CCDC178: variants seen among roughly 807,000 people sequenced by gnomAD.
The protein encoded by CCDC178 is coiled-coil domain containing 178.
A neutral mutation model predicts 117.4 loss-of-function variants in CCDC178; 126 were observed. The observed-to-expected ratio is 1.07, with a 90% CI of 0.93 to 1.24. The LOEUF is 1.24. Among genes scored for constraint, CCDC178 ranks in the 50% most tolerant of loss-of-function variants. The pLI is 0.00. For synonymous variants in CCDC178, 283 were observed against 313.4 expected, an observed-to-expected ratio of 0.90 and a Z score of 1.02; for missense variants, 1,030 against 986.9, an observed-to-expected ratio of 1.04 and a Z score of -0.59.
intron 4 of CCDC178, among the ~76,000 whole-genome samples, chr18:33,392,352 G>A (rs1190900654): frequency 6.6e-6 from 1 of 152,106 alleles, no homozygotes; most frequent in Non-Finnish European, 1.5e-5. Context: ...CTGTGATGAC[G>A]AGATGAGGTT....
intron 12 of CCDC178, among the ~76,000 whole-genome samples, chr18:33,277,971 A>G (rs1463851836): frequency 6.6e-6 from 1 of 152,064 alleles, no homozygotes; most frequent in African/African-American, 2.4e-5. Flanking sequence ...ACCACACTGC[A>G]CTGCCTGGGC....
chr18:33,349,243 G>T (rs1263599226), intron 7 of CCDC178, among the ~76,000 whole-genome samples: 1 of 151,786 alleles, frequency 6.6e-6, no homozygotes, highest in African/African-American at 2.4e-5. Context: ...AAAGAAATTG[G>T]TCATTCCTAG....
At chr18:33,180,993 A>G (rs907948087) in intron 20 of CCDC178, among the ~76,000 whole-genome samples, 5 of 151,872 alleles carry the variant, frequency 3.3e-5, no homozygotes, top group African/African-American at 1.2e-4. Flanking sequence ...TCCTCTAATG[A>G]CTTTTTTTTT....
At chr18:33,300,417 A>C (rs974455568) in intron 11 of CCDC178, among the ~76,000 whole-genome samples, 1 of 152,238 alleles carries the variant, frequency 6.6e-6, no homozygotes, top group Admixed American at 6.5e-5. Flanking sequence ...TGTGCAAATG[A>C]CTTTGAAACT....
chr18:33,160,630 C>A (rs963543299), intron 20 of CCDC178, among the ~76,000 whole-genome samples: 1 of 152,076 alleles, frequency 6.6e-6, no homozygotes, highest in African/African-American at 2.4e-5. Flanking sequence ...TGGTTCTGGG[C>A]TCGGGGTTTA....
At chr18:33,384,467 G>C (rs531464400) in intron 5 of CCDC178, among the ~76,000 whole-genome samples, 1 of 152,180 alleles carries the variant, frequency 6.6e-6, no homozygotes, top group East Asian at 1.9e-4. Context: ...CAGAGAGAAA[G>C]GCAAGGTCGT....
At chr18:33,225,017 A>C in intron 16 of CCDC178, 81 bp from the exon 17 acceptor site, 2 of 1,031,428 alleles carry the variant, frequency 1.9e-6, no homozygotes, top group Non-Finnish European at 2.6e-6. Context: ...ACAGGCAGTA[A>C]TATTTGTTTT....
chr18:33,418,202 A>G (rs116532042), intron 2 of CCDC178, among the ~76,000 whole-genome samples: 231 of 152,338 alleles, frequency 1.5e-3, no homozygotes, highest in African/African-American at 5.4e-3. Flanking sequence ...ACACAAATTA[A>G]TAATGTCATT....
chr18:33,273,491 C>A (rs954285240), intron 12 of CCDC178, among the ~76,000 whole-genome samples: 4 of 151,582 alleles, frequency 2.6e-5, no homozygotes, highest in African/African-American at 9.7e-5. Flanking sequence ...GTAATCAAGA[C>A]ATTGTAGTAC....
intron 21 of CCDC178, among the ~76,000 whole-genome samples, chr18:33,031,864 T>C (rs1303557509): frequency 1.3e-5 from 2 of 152,228 alleles, no homozygotes; most frequent in African/African-American, 4.8e-5. Context: ...GTAAATAAAT[T>C]CTTATTTATT....
intron 4 of CCDC178, among the ~76,000 whole-genome samples, chr18:33,389,897 T>C (rs1194599348): frequency 1.3e-5 from 2 of 151,580 alleles, no homozygotes; most frequent in Non-Finnish European, 3.0e-5. Context: ...TGTGTTGATA[T>C]AGGATGTATC....
chr18:33,419,499 C>A (rs917754013), intron 2 of CCDC178, among the ~76,000 whole-genome samples: 24 of 152,040 alleles, frequency 1.6e-4, no homozygotes, highest in African/African-American at 5.8e-4. Context: ...AACAGACAAC[C>A]CACAGAATGG....
At chr18:33,054,811 G>A (rs376145442) in intron 21 of CCDC178, among the ~76,000 whole-genome samples, 54 of 152,120 alleles carry the variant, frequency 3.5e-4, no homozygotes, top group Admixed American at 3.5e-3. Flanking sequence ...TGGATCAAAC[G>A]GTATTTCTAC....
intron 20 of CCDC178, among the ~76,000 whole-genome samples, chr18:33,203,474 G>C (rs1170736031): frequency 6.6e-6 from 1 of 152,084 alleles, no homozygotes; most frequent in African/African-American, 2.4e-5. Flanking sequence ...CACAAGCCAA[G>C]ATAATTTACA....
rs997818844 is a variant in CCDC178, at chr18:33,126,417, AAT to A, written c.2239-33509_2239-33508del. Among the ~76,000 whole-genome samples the A allele has an allele frequency of 3.4e-5, 5 of 148,666 alleles. No individual in the cohort carries two copies. The East Asian group carries it at 5.8e-4, about 17-fold the overall frequency. On this transcript the variant is annotated intron_variant, in intron 20 of 22. Transcript: ENST00000383096. ...TACATATATACACATATTAAATATA[AAT>A]ATATATATAATACATGTAATATATG...
At chr18:32,948,508 C>T (rs2054405869) in intron 22 of CCDC178, among the ~76,000 whole-genome samples, 1 of 152,078 alleles carries the variant, frequency 6.6e-6, no homozygotes, top group South Asian at 2.1e-4. Flanking sequence ...ATTATGCAAA[C>T]TTACTAAGCT....
intron 12 of CCDC178, among the ~76,000 whole-genome samples, chr18:33,277,765 T>TG (rs1278557462): frequency 2.0e-5 from 3 of 152,174 alleles, no homozygotes; most frequent in Non-Finnish European, 4.4e-5. Context: ...TTCTCTGACT[T>TG]GTTCTTCTCT....
chr18:33,434,236 T>A (rs1244148172), intron 2 of CCDC178, among the ~76,000 whole-genome samples: 1 of 151,928 alleles, frequency 6.6e-6, no homozygotes, highest in Non-Finnish European at 1.5e-5. Flanking sequence ...TTTAGTGAAA[T>A]AACAGACAAA....
chr18:33,083,848 G>A (rs747162236), intron 21 of CCDC178, among the ~76,000 whole-genome samples: 44 of 152,216 alleles, frequency 2.9e-4, no homozygotes, highest in Middle Eastern at 3.4e-3. Flanking sequence ...TCTTTTTCAT[G>A]ATGTTGATAA....
Sources: allele counts gnomAD v4.1 joint callset (sites outside exome capture counted in the v4.1 genomes callset), GRCh38; gene constraint gnomAD v4.1.1; transcripts MANE v1.5; gene names NCBI Gene and HGNC (gene_info 2026-07-23, HGNC 2026-07-21).